The following CSMD1 variants were observed in gnomAD, a reference collection of about 807,000 sequenced individuals.
CSMD1 encodes CUB and sushi domain-containing protein 1.
CSMD1 carries 213 observed loss-of-function variants against 417.5 expected under a neutral mutation model. The observed-to-expected ratio is 0.51, with a 90% CI of 0.46 to 0.57. The LOEUF is 0.57. CSMD1 is among the 20% of genes least tolerant of loss of function. CSMD1 has a pLI of 0.00. For missense variants in CSMD1, 6,923 were observed against 4,529.7 expected, an observed-to-expected ratio of 1.53 and a Z score of -15.17; for synonymous variants, 2,862 against 1,736.8, an observed-to-expected ratio of 1.65 and a Z score of -16.11.
chr8:3,476,086 T>A (rs1243283438), intron 11 of CSMD1, among the ~76,000 whole-genome samples: 1 of 152,212 alleles, frequency 6.6e-6, no homozygotes, highest in South Asian at 2.1e-4. Context: ...CTCATGCCTG[T>A]AATCCCAGCA....
At chr8:3,577,373 C>A (rs1800194860) in intron 9 of CSMD1, among the ~76,000 whole-genome samples, 1 of 152,204 alleles carries the variant, frequency 6.6e-6, no homozygotes. Context: ...CAGAGACATT[C>A]TTTACCAAAA....
intron 14 of CSMD1, among the ~76,000 whole-genome samples, chr8:3,407,220 A>G (rs1235917373): frequency 3.3e-5 from 5 of 151,350 alleles, no homozygotes; most frequent in African/African-American, 1.2e-4. Context: ...GAAATAATAG[A>G]TAAATGGACA....
intron 1 of CSMD1, among the ~76,000 whole-genome samples, chr8:4,678,693 G>C (rs991753732): frequency 2.6e-5 from 4 of 152,034 alleles, no homozygotes; most frequent in South Asian, 2.1e-4. Context: ...ATCCAAATAA[G>C]ATAAAAATGT....
chr8:4,030,918 G>A (rs945468390), intron 4 of CSMD1, among the ~76,000 whole-genome samples: 6 of 152,142 alleles, frequency 3.9e-5, no homozygotes, highest in Non-Finnish European at 8.8e-5. Flanking sequence ...CTCTAGGGCA[G>A]GGGCAAAATG....
chr8:4,533,855 T>C (rs12056740), intron 2 of CSMD1, among the ~76,000 whole-genome samples: 54,462 of 149,978 alleles, frequency 0.36, 11,077 homozygotes, highest in South Asian at 0.47. Context: ...AATCTGCCCT[T>C]TTGGAGTGTA....
intron 1 of CSMD1, among the ~76,000 whole-genome samples, chr8:4,773,427 A>G (rs1796694022): frequency 1.3e-5 from 2 of 152,172 alleles, no homozygotes; most frequent in South Asian, 4.1e-4. Flanking sequence ...TTACTAACGT[A>G]TCGCTGTTTG....
intron 3 of CSMD1, among the ~76,000 whole-genome samples, chr8:4,345,505 T>C (rs1800728865): frequency 6.9e-6 from 1 of 145,864 alleles, no homozygotes; most frequent in African/African-American, 2.5e-5. Context: ...AAGGAAACAG[T>C]GACAAAGTGA....
intron 6 of CSMD1, among the ~76,000 whole-genome samples, chr8:3,729,951 AAAAAAAAAAACAAAAAC>A (rs1802737124): frequency 7.2e-5 from 1 of 13,930 alleles, no homozygotes; most frequent in Non-Finnish European, 3.2e-4. Context: ...AAAAAAAAAA[AAAAAAAAAAACAAAAAC>A]AGAAGAACGG....
At chr8:3,889,558 TC>T in intron 5 of CSMD1, among the ~76,000 whole-genome samples, 1 of 35,366 alleles carries the variant, frequency 2.8e-5, no homozygotes, top group East Asian at 1.6e-3. Context: ...TATATGTGTG[TC>T]TGTGTGTGTG....
intron 37 of CSMD1, among the ~76,000 whole-genome samples, chr8:3,176,979 T>C (rs931039785): frequency 2.6e-5 from 4 of 151,982 alleles, no homozygotes; most frequent in Non-Finnish European, 5.9e-5. Flanking sequence ...GGTTTTGCCA[T>C]GTTGCCCAGG....
chr8:2,957,110 T>C (rs1223020225), intron 63 of CSMD1, among the ~76,000 whole-genome samples: 2 of 152,182 alleles, frequency 1.3e-5, no homozygotes, highest in African/African-American at 4.8e-5. Context: ...TACTCATCCA[T>C]ATATTTTTTC....
chr8:3,411,769 CGT>C (rs1191403039), intron 12 of CSMD1, among the ~76,000 whole-genome samples: 3 of 111,086 alleles, frequency 2.7e-5, no homozygotes, highest in Non-Finnish European at 3.6e-5. Flanking sequence ...CGTGTATATA[CGT>C]GTGTATATAC....
rs570070625 is a variant in CSMD1, at chr8:4,429,745, T to C, written c.303-9680A>G. 8.5e-5 allele frequency among the ~76,000 whole-genome samples: 13 copies of C among 152,188 alleles called. No homozygotes were observed. The South Asian group carries it at 1.9e-3, about 22-fold the overall frequency. ...GTGGGTCTCCTGTAACCCACAGCCG[T>C]ATGCTGAGATTCTAGAAGTGCTCCA... On this transcript the variant is annotated intron_variant, in intron 2 of 69. Transcript: ENST00000635120.
intron 10 of CSMD1, among the ~76,000 whole-genome samples, chr8:3,540,605 A>C (rs1798396630): frequency 6.6e-6 from 1 of 152,206 alleles, no homozygotes; most frequent in Non-Finnish European, 1.5e-5. Context: ...AACCTACAGA[A>C]TGGGAGAAAA....
chr8:4,035,570 G>C (rs996588682), intron 3 of CSMD1, among the ~76,000 whole-genome samples: 15 of 152,096 alleles, frequency 9.9e-5, no homozygotes, highest in African/African-American at 1.7e-4. Flanking sequence ...GCCTAGGCTA[G>C]GGTGTGTGTT....
chr8:4,147,536 A>T (rs1796314454), intron 3 of CSMD1, among the ~76,000 whole-genome samples: 1 of 152,170 alleles, frequency 6.6e-6, no homozygotes, highest in African/African-American at 2.4e-5. Context: ...CTCCTTAGGC[A>T]TTTTAATTAG....
At chr8:3,110,561 C>G (rs1390178042) in intron 42 of CSMD1, among the ~76,000 whole-genome samples, 1 of 152,170 alleles carries the variant, frequency 6.6e-6, no homozygotes, top group African/African-American at 2.4e-5. Flanking sequence ...AATATATTCT[C>G]CATATCTTCA....
intron 1 of CSMD1, among the ~76,000 whole-genome samples, chr8:4,691,747 T>G (rs536662465): frequency 2.0e-5 from 3 of 152,218 alleles, no homozygotes; most frequent in African/African-American, 7.2e-5. Flanking sequence ...TGGGAATCTG[T>G]AGCTATCTAG....
intron 3 of CSMD1, among the ~76,000 whole-genome samples, chr8:4,142,082 C>T (rs1468658741): frequency 6.6e-6 from 1 of 151,108 alleles, no homozygotes; most frequent in Admixed American, 6.6e-5. Context: ...TAACTCCATA[C>T]TGGAACATTC....
Sources: gnomAD v4.1 joint callset for allele counts (sites outside exome capture counted in the v4.1 genomes callset) on GRCh38, gnomAD v4.1.1 for gene constraint, MANE v1.5 for transcripts, NCBI Gene and HGNC (gene_info 2026-07-23, HGNC 2026-07-21) for gene names.